Variants in CCDC180 observed in about 807,000 individuals in gnomAD.
The protein encoded by CCDC180 is coiled-coil domain-containing protein 180.
In CCDC180, 154 loss-of-function variants were observed where a neutral mutation model predicts 209.2. The ratio of observed to expected loss-of-function variants is 0.74; its 90% CI spans 0.65 to 0.84. CCDC180 has a LOEUF of 0.84. Among genes scored for constraint, CCDC180 ranks in the 40% least tolerant of loss-of-function variants. The pLI, the probability that CCDC180 is intolerant of heterozygous loss-of-function variation, is 0.00. For synonymous variants in CCDC180, 778 were observed against 749.1 expected, an observed-to-expected ratio of 1.04 and a Z score of -0.63; for missense variants, 1,874 against 1,997.3, an observed-to-expected ratio of 0.94 and a Z score of 1.18.
Position 97,314,848 on chromosome 9 carries a change from T to C in CCDC180, c.700-3T>C, listed in dbSNP as rs919822449. ...ACTAAGTATGGTGCCTTGTCATTTC[T>C]AGCTAAAAAGCGTGTTGAAGAAATA... On this transcript the variant is annotated splice_polypyrimidine_tract_variant and splice_region_variant and intron_variant, in intron 7 of 36. Transcript: ENST00000529487. The C allele has an allele frequency of 3.1e-6, 5 of 1,613,438 alleles. No homozygotes were observed. The highest frequency in any genetic ancestry group is 1.3e-5 in the African/African-American group (1 of 75,064).
At chr9:97,351,536 T>G (rs1038460205) in intron 22 of CCDC180, among the ~76,000 whole-genome samples, 7 of 152,230 alleles carry the variant, frequency 4.6e-5, no homozygotes, top group Admixed American at 1.3e-4. Context: ...GCTATATTTA[T>G]TTTTTAAGGC....
chr9:97,312,056 A>AGCT lies in CCDC180; in HGVS notation c.261-54_261-52dup, dbSNP rs559248636. 1.2e-4 allele frequency: 175 copies of AGCT among 1,470,236 alleles called. No homozygotes were observed. The East Asian group carries it at 2.6e-3, about 21-fold the overall frequency. The allele number at this position is 1,470,236 out of a possible 1,614,324, so 91.1% of individuals were successfully genotyped here. On this transcript the variant is annotated intron_variant, in intron 3 of 36. Coordinates refer to ENST00000529487, the MANE Select transcript of CCDC180 (RefSeq NM_020893.6). Reference sequence around the variant, plus strand: ...ACCCCTTGGTGCCCTTATGTGCCAGAGCTGCCATGGATGGCATCAGGAGCT... The same window carrying AGCT: ...ACCCCTTGGTGCCCTTATGTGCCAGAGCTGCTGCCATGGATGGCATCAGGAGCT...
rs144942620 is a variant in CCDC180 at position 97,309,569 on chromosome 9, C to G, written c.225C>G (p.Pro75=). The G allele has an allele frequency of 4.1e-5, 66 of 1,590,782 alleles. No homozygotes were observed. In the African/African-American group the frequency reaches 8.1e-4, roughly 20 times the overall value. The part of the protein sequence containing the change: ...PRQQKWMHSL[P]NDWIMENPVL... ...AGCAGAAGTGGATGCACAGCCTCCC[C>G]AACGACTGGATCATGGAAAACCCTG... The change falls in exon 3 of 37, where the codon CCC becomes CCG. Residue 75 remains proline, a synonymous_variant. Transcript: ENST00000529487.
chr9:97,350,492 A>G lies in CCDC180; in HGVS notation c.2939A>G (p.Gln980Arg), dbSNP rs1053322311. The change falls in exon 22 of 37, where the codon CAG becomes CGG. Residue 980 changes from glutamine to arginine, a missense_variant. Coordinates refer to ENST00000529487, the MANE Select transcript of CCDC180 (RefSeq NM_020893.6). ...CAGGTGTCCCTGCGCAGCTTCCGGC[A>G]GTACTTGGAGGAGAGTCTGGGCAAA... ...VTQVSLRSFR[Q>R]YLEESLGKLR... is the part of the protein sequence containing the mutation. 9 of 1,536,482 alleles carry G rather than the reference A, an allele frequency of 5.9e-6. No individual in the cohort carries two copies. Among genetic ancestry groups the G allele is most frequent in the African/African-American group, 1.4e-5 (1 of 73,144 alleles).
chr9:97,337,491 C>G (rs567090034), intron 18 of CCDC180, among the ~76,000 whole-genome samples: 1 of 147,684 alleles, frequency 6.8e-6, no homozygotes, highest in Admixed American at 6.9e-5. Context: ...GTTGAACCAG[C>G]CTTGCATCCC....
chr9:97,311,044 C>T (rs1299773452), intron 3 of CCDC180, among the ~76,000 whole-genome samples: 1 of 152,150 alleles, frequency 6.6e-6, no homozygotes, highest in East Asian at 1.9e-4. Context: ...CTCCCTCAGG[C>T]GTCAAAGCAA....
At chr9:97,326,485 C>A in intron 14 of CCDC180, 69 bp from the exon 15 acceptor site, 2 of 897,276 alleles carry the variant, frequency 2.2e-6, no homozygotes, top group Non-Finnish European at 3.8e-6. Context: ...AGGGTCCCTG[C>A]AGGTCACTTA....
intron 16 of CCDC180, 35 bp downstream of exon 16, chr9:97,328,181 T>A (rs762167621): frequency 6.2e-7 from 1 of 1,607,024 alleles, no homozygotes; most frequent in African/African-American, 1.3e-5. Flanking sequence ...CAGCCACTCA[T>A]GAAGAAGCTA....
chr9:97,312,694 A>AC (rs1833028992), intron 4 of CCDC180, among the ~76,000 whole-genome samples: 2 of 79,012 alleles, frequency 2.5e-5, no homozygotes, highest in South Asian at 4.1e-4. Context: ...ACCCCAACCC[A>AC]CCCCCGGTTA....
intron 19 of CCDC180, among the ~76,000 whole-genome samples, chr9:97,346,211 G>T (rs1159167612): frequency 6.6e-6 from 1 of 152,176 alleles, no homozygotes; most frequent in Non-Finnish European, 1.5e-5. Flanking sequence ...TATTACTACA[G>T]CTTTACATTA....
intron 15 of CCDC180, 33 bp downstream of exon 15, chr9:97,326,702 G>A: frequency 7.4e-7 from 1 of 1,343,066 alleles, no homozygotes; most frequent in Non-Finnish European, 1.1e-6. Flanking sequence ...GGCAGGAAGG[G>A]ATGGTCAGGA....
rs150683565 is a variant in CCDC180 at position 97,330,573 on chromosome 9, G to A, written c.2080G>A (p.Glu694Lys). The A allele has an allele frequency of 2.5e-5, 40 of 1,614,056 alleles. No individual in the cohort carries two copies. In the African/African-American group the frequency reaches 5.2e-4, roughly 21 times the overall value. ...ESKEGSIQGL[E>K]EMQVEREGSL... Reference sequence around the variant, plus strand: ...CAAAGAAGGCTCTATTCAGGGACTGGAAGAAATGCAGGTTGAAAGAGAGGG... The same window carrying A: ...CAAAGAAGGCTCTATTCAGGGACTGAAAGAAATGCAGGTTGAAAGAGAGGG... The change falls in exon 18 of 37, where the codon GAA becomes AAA. Residue 694 changes from glutamate to lysine, a missense_variant. Coordinates refer to ENST00000529487, the MANE Select transcript of CCDC180 (RefSeq NM_020893.6).
chr9:97,349,027 C>A, intron 20 of CCDC180, 84 bp from the exon 21 acceptor site: 1 of 1,274,550 alleles, frequency 7.8e-7, no homozygotes, highest in Non-Finnish European at 1.1e-6. Flanking sequence ...CTGGAAGAGG[C>A]AGCAGGCGGG....
chr9:97,373,740 G>A (rs1827164301), intron 34 of CCDC180: 1 of 152,258 alleles, frequency 6.6e-6, no homozygotes, highest in South Asian at 2.1e-4. Context: ...TAGAGCAACA[G>A]ACTCCTAGAA....
rs373012670 is a variant in CCDC180 at position 97,371,602 on chromosome 9, C to A, written c.4496C>A (p.Thr1499Asn). Residue 1499 changes from threonine to asparagine, a missense_variant, in exon 34 of 37, where the codon ACC becomes AAC. Transcript: ENST00000529487. ...RMNKEKLEECTRRNGQVFITN... is the reference protein window; with the variant it reads ...RMNKEKLEECNRRNGQVFITN... The stretch of plus-strand genomic sequence containing the variant: ...TCACCATGTTTTTTCCAGGAATGTA[C>A]CAGAAGGAATGGCCAGGTTTTCATA... 1.2e-6 allele frequency: 2 copies of A among 1,600,898 alleles called. No homozygotes were observed. Among genetic ancestry groups the A allele is most frequent in the East Asian group, 2.2e-5 (1 of 44,584 alleles).
Position 97,308,151 on chromosome 9 carries a change from C to A in CCDC180, c.69+19C>A. Reference sequence around the variant, plus strand: ...GGCTGAGGTAGGAGCCGCCCTCTGTCCCGCTTTTCTCCATCCCCCTTCCCT... The same window carrying A: ...GGCTGAGGTAGGAGCCGCCCTCTGTACCGCTTTTCTCCATCCCCCTTCCCT... On this transcript the variant is annotated intron_variant, in intron 2 of 36. Transcript: ENST00000529487. 1.3e-6 allele frequency: 2 copies of A among 1,561,316 alleles called. No homozygotes were observed. The highest frequency in any genetic ancestry group is 1.7e-4 in the Middle Eastern group (1 of 5,800).
At chr9:97,352,988 T>TAC (rs991891747) in intron 22 of CCDC180, among the ~76,000 whole-genome samples, 2 of 151,100 alleles carry the variant, frequency 1.3e-5, no homozygotes, top group African/African-American at 4.9e-5. Flanking sequence ...TATATATATA[T>TAC]ACACATATAT....
intron 36 of CCDC180, chr9:97,376,110 A>G (rs1474747630): frequency 3.2e-5 from 5 of 158,424 alleles, no homozygotes; most frequent in African/African-American, 9.6e-5. Flanking sequence ...TGTCCCTTCT[A>G]TGCCACTACA....
chr9:97,330,506 G>A lies in CCDC180; in HGVS notation c.2013G>A (p.Gly671=). Residue 671 remains glycine, a synonymous_variant, in exon 18 of 37, where the codon GGG becomes GGA. Coordinates refer to ENST00000529487, the MANE Select transcript of CCDC180 (RefSeq NM_020893.6). The stretch of plus-strand genomic sequence containing the variant: ...CCTTCATAACTGAAGAGGTGCTGGG[G>A]CAGCAGAAAAAATCTCCACTGCATG... ...MESFITEEVL[G]QQKKSPLHAK... is the part of the protein sequence containing the mutation. 6.2e-7 allele frequency: 1 copy of A among 1,614,132 alleles called. No individual in the cohort carries two copies. Among genetic ancestry groups the A allele is most frequent in the Admixed American group, 1.7e-5 (1 of 60,012 alleles).
Sources: gnomAD v4.1 joint callset for allele counts (sites outside exome capture counted in the v4.1 genomes callset) on GRCh38, gnomAD v4.1.1 for gene constraint, MANE v1.5 for transcripts, NCBI Gene and HGNC (gene_info 2026-07-23, HGNC 2026-07-21) for gene names.